ZNF460: variants seen among roughly 807,000 people sequenced by gnomAD.
ZNF460 encodes zinc finger protein 460.
Under a neutral mutation model 8.4 loss-of-function variants are expected in ZNF460, and 1 was observed. That is an observed-to-expected ratio of 0.12 (90% CI 0.04 to 0.56). The LOEUF (loss-of-function observed/expected upper bound fraction) is 0.56, where lower values mean the gene tolerates loss of function less well. Ranked by LOEUF, ZNF460 falls within the 20% of genes least tolerant of loss-of-function variation. The pLI is 0.91. For synonymous variants in ZNF460, 262 were observed against 259.9 expected (o/e 1.01, Z -0.08); for missense variants, 477 against 714.8 (o/e 0.67, Z 3.79).
chr19:57,285,049 C>G (rs2087869820), intron 2 of ZNF460, among the ~76,000 whole-genome samples: 1 of 152,114 alleles, frequency 6.6e-6, no homozygotes, highest in Non-Finnish European at 1.5e-5. Context: ...CTCCCGACCT[C>G]AAGTGATCCA....
In ZNF460 at chr19:57,280,791, C is replaced by T. The variant is rs576297447; in HGVS notation, c.-16C>T. On this transcript the variant is annotated 5_prime_UTR_variant, in exon 1 of 3. Transcript: ENST00000360338. ...CAGAGAAGGGCTGTGGTCGGCTGAT[C>T]CGCGGCATTCCCGGGATGGCGGCGG... The T allele has an allele frequency of 1.9e-6, 3 of 1,613,970 alleles. No individual in the cohort carries two copies. In the South Asian group the frequency reaches 3.3e-5, roughly 18 times the overall value.
chr19:57,280,859 T>G (rs1308384126), intron 1 of ZNF460, 23 bp downstream of exon 1: 1 of 1,613,978 alleles, frequency 6.2e-7, no homozygotes, highest in African/African-American at 1.3e-5. Flanking sequence ...GGTTTCGGCC[T>G]TGCTGCTGCT....
intron 2 of ZNF460, among the ~76,000 whole-genome samples, chr19:57,287,959 A>G (rs4801211): frequency 0.22 from 33,564 of 152,064 alleles, 4,257 homozygotes; most frequent in Admixed American, 0.26. Context: ...ACTGTACTCC[A>G]GACTGGACGA....
At chr19:57,286,014 T>G (rs1247438885) in intron 2 of ZNF460, among the ~76,000 whole-genome samples, 1 of 152,374 alleles carries the variant, frequency 6.6e-6, no homozygotes, top group South Asian at 2.1e-4. Flanking sequence ...TTTAGAATTT[T>G]TTATTTCTTT....
In ZNF460 at chr19:57,292,391, CTG is replaced by C. The variant is rs1343255044; in HGVS notation, c.*164_*165del. 1.3e-6 allele frequency: 1 copy of C among 744,004 alleles called. No homozygotes were observed. The highest frequency in any genetic ancestry group is 2.2e-6 in the Non-Finnish European group (1 of 460,016). The allele number at this position is 744,004 out of a possible 1,614,324, so 46.1% of individuals were successfully genotyped here. On this transcript the variant is annotated 3_prime_UTR_variant, in exon 3 of 3. Coordinates refer to ENST00000360338, the MANE Select transcript of ZNF460 (RefSeq NM_006635.4). ...AAGAGAAACTCCATAAGTATCATCT[CTG>C]TGGGAAAACCTGTTTTAGATCATCA... is the stretch of plus-strand genomic sequence containing the variant.
At chr19:57,285,508 C>T (rs1014021578) in intron 2 of ZNF460, among the ~76,000 whole-genome samples, 2 of 152,174 alleles carry the variant, frequency 1.3e-5, no homozygotes, top group African/African-American at 2.4e-5. Context: ...GCATCCCCAT[C>T]GTCAGTGAGT....
chr19:57,288,726 C>A (rs2122892008), intron 2 of ZNF460, among the ~76,000 whole-genome samples: 1 of 152,286 alleles, frequency 6.6e-6, no homozygotes, highest in East Asian at 1.9e-4. Context: ...TGTGCTTGAG[C>A]ATTGGGCCGT....
At chr19:57,289,633 T>G (rs2087902450) in intron 2 of ZNF460, among the ~76,000 whole-genome samples, 1 of 152,130 alleles carries the variant, frequency 6.6e-6, no homozygotes, top group Non-Finnish European at 1.5e-5. Flanking sequence ...AGTCTCATCT[T>G]GACTGTGAGT....
chr19:57,293,271 A>G lies in ZNF460; in HGVS notation c.*1041A>G, dbSNP rs2087932335. Reference sequence around the variant, plus strand: ...TGTAGCTAAAGTAAGTTAAAAGATTATGATAAACTCAGAAAATAAACACAG... The same window carrying G: ...TGTAGCTAAAGTAAGTTAAAAGATTGTGATAAACTCAGAAAATAAACACAG... On this transcript the variant is annotated 3_prime_UTR_variant, in exon 3 of 3. Transcript: ENST00000360338. The G allele has an allele frequency of 6.6e-6, 1 of 152,232 alleles. No homozygotes were observed. The highest frequency in any genetic ancestry group is 1.5e-5 in the Non-Finnish European group (1 of 68,048). 9.4% of individuals were successfully genotyped at this position (152,232 alleles called of 1,614,324 possible).
At chr19:57,284,319 A>C (rs895573565) in intron 1 of ZNF460, among the ~76,000 whole-genome samples, 1 of 151,542 alleles carries the variant, frequency 6.6e-6, no homozygotes, top group Non-Finnish European at 1.5e-5. Flanking sequence ...TCCGCCTCCC[A>C]GGTTCAAGCA....
At chr19:57,283,649 G>GCC (rs2087858409) in intron 1 of ZNF460, among the ~76,000 whole-genome samples, 1 of 150,904 alleles carries the variant, frequency 6.6e-6, no homozygotes, top group Non-Finnish European at 1.5e-5. Flanking sequence ...TTGCAGGCTT[G>GCC]TGCCACCACA....
chr19:57,286,731 G>A (rs948716402), intron 2 of ZNF460, among the ~76,000 whole-genome samples: 1 of 151,280 alleles, frequency 6.6e-6, no homozygotes, highest in African/African-American at 2.5e-5. Context: ...GGAGGCTGAG[G>A]CGGGTGGATC....
chr19:57,281,555 A>ATT (rs1568497980), intron 1 of ZNF460, among the ~76,000 whole-genome samples: 4 of 133,014 alleles, frequency 3.0e-5, no homozygotes, highest in East Asian at 2.2e-4. Flanking sequence ...TTAACCCTGA[A>ATT]ATTTTTTTTT....
Position 57,280,691 on chromosome 19 carries a change from G to T in ZNF460, c.-116G>T. The T allele has an allele frequency of 2.0e-6, 3 of 1,467,014 alleles. No homozygotes were observed. The highest frequency in any genetic ancestry group is 2.4e-5 in the South Asian group (2 of 82,096). The allele number at this position is 1,467,014 out of a possible 1,614,324, so 90.9% of individuals were successfully genotyped here. On this transcript the variant is annotated 5_prime_UTR_variant, in exon 1 of 3. Transcript: ENST00000360338. Reference sequence around the variant, plus strand: ...CCTCAGCCCCGACGCTGCGCCTTGGGCCTTGTGCGCATTTTTTTCGGGGGA... The same window carrying T: ...CCTCAGCCCCGACGCTGCGCCTTGGTCCTTGTGCGCATTTTTTTCGGGGGA...
intron 2 of ZNF460, 52 bp from the exon 3 acceptor site, chr19:57,290,647 A>G: frequency 6.6e-7 from 1 of 1,519,144 alleles, no homozygotes; most frequent in Non-Finnish European, 8.9e-7. Flanking sequence ...AGGTGGTTTC[A>G]TTTCTTCTGT....
rs74328442 is a variant in ZNF460, at chr19:57,283,143, TTG to T, written c.31-1406_31-1405del. ...CTGTGGCCTTTGCCTCAGTGTTTGT[TTG>T]TTTTTTTTTTTTTTTACAAACAGTT... On this transcript the variant is annotated intron_variant, in intron 1 of 2. Transcript: ENST00000360338. 2.8e-3 allele frequency among the ~76,000 whole-genome samples: 312 copies of T among 112,874 alleles called. 1 individual carries two copies. Among genetic ancestry groups the T allele is most frequent in the African/African-American group, 0.011 (289 of 26,156 alleles). 74.0% of individuals were successfully genotyped at this position (112,874 alleles called of 152,430 possible).
At position 57,280,877 on chromosome 19, in the gene ZNF460, T is replaced by A. The variant is rs368252357; in HGVS notation, c.30+41T>A. The A allele has an allele frequency of 2.3e-5, 37 of 1,613,214 alleles. No individual in the cohort carries two copies. In the African/African-American group the frequency reaches 4.5e-4, roughly 20 times the overall value. On this transcript the variant is annotated intron_variant, in intron 1 of 2. Transcript: ENST00000360338. ...TTCGGCCTTGCTGCTGCTGTGCTAT[T>A]TCTAGAGGCCTCGTGGGCAGGCTGG...
intron 1 of ZNF460, among the ~76,000 whole-genome samples, chr19:57,282,140 A>G (rs2087844882): frequency 6.6e-6 from 1 of 152,164 alleles, no homozygotes; most frequent in East Asian, 1.9e-4. Flanking sequence ...GTAGACTTAA[A>G]AAATGGTATA....
intron 2 of ZNF460, among the ~76,000 whole-genome samples, chr19:57,287,808 G>T (rs150494949): frequency 6.6e-6 from 1 of 152,150 alleles, no homozygotes; most frequent in Non-Finnish European, 1.5e-5. Flanking sequence ...GGCCATCATG[G>T]TGAAACCCCA....
Sources: gnomAD v4.1 joint callset for allele counts (sites outside exome capture counted in the v4.1 genomes callset) on GRCh38, gnomAD v4.1.1 for gene constraint, MANE v1.5 for transcripts, NCBI Gene and HGNC (gene_info 2026-07-23, HGNC 2026-07-21) for gene names.